Variants in DNAH5 observed in about 807,000 individuals in gnomAD.
The protein encoded by DNAH5 is dynein axonemal heavy chain 5.
Under a neutral mutation model 518.2 loss-of-function variants are expected in DNAH5, and 372 were observed. That is an observed-to-expected ratio of 0.72 (90% CI 0.66 to 0.78). The LOEUF (loss-of-function observed/expected upper bound fraction) is 0.78. Among genes scored for constraint, DNAH5 ranks in the 30% least tolerant of loss-of-function variants. DNAH5 has a pLI of 0.00. For missense variants in DNAH5, 5,523 were observed against 5,687.0 expected (o/e 0.97, Z 0.93); for synonymous variants, 2,039 against 2,025.9 (o/e 1.01, Z -0.17).
intron 1 of DNAH5, among the ~76,000 whole-genome samples, chr5:13,933,049 C>A (rs1778568530): frequency 6.6e-6 from 1 of 152,198 alleles, no homozygotes; most frequent in African/African-American, 2.4e-5. Flanking sequence ...GTCCCAGTAG[C>A]CTCCACCACC....
chr5:13,828,556 G>C (rs898118726), intron 38 of DNAH5, among the ~76,000 whole-genome samples: 1 of 152,190 alleles, frequency 6.6e-6, no homozygotes, highest in African/African-American at 2.4e-5. Context: ...ATGTGATTAT[G>C]TGTGTGTGAT....
chr5:13,918,314 G>A lies in DNAH5; in HGVS notation c.975+862C>T, dbSNP rs188771505. On this transcript the variant is annotated intron_variant, in intron 7 of 78. Coordinates refer to ENST00000265104, the MANE Select transcript of DNAH5 (RefSeq NM_001369.3). ...AAACTGAATCCAGCAACAACCAGAT[G>A]AGTAAACTCAGAAGCAGATCTTCCC... is the stretch of plus-strand genomic sequence containing the variant. Among the ~76,000 whole-genome samples, 159 of 152,250 alleles carry A rather than the reference G, an allele frequency of 1.0e-3. 2 individuals carry two copies. Among genetic ancestry groups the A allele is most frequent in the African/African-American group, 3.6e-3 (151 of 41,556 alleles).
intron 1 of DNAH5, among the ~76,000 whole-genome samples, chr5:13,949,708 A>G (rs886387600): frequency 7.2e-5 from 11 of 152,250 alleles, no homozygotes; most frequent in African/African-American, 2.4e-4. Context: ...TATCTTGCAT[A>G]GTGCCTTTCA....
In DNAH5 at chr5:13,893,368, T is replaced by C. The variant is rs551654094; in HGVS notation, c.2431+1282A>G. On this transcript the variant is annotated intron_variant, in intron 16 of 78. Coordinates refer to ENST00000265104, the MANE Select transcript of DNAH5 (RefSeq NM_001369.3). ...AGGGGTAGGAACAGGGTTACAGTGA[T>C]AAAGAAATGAAGAGAGACTAAGTAT... Among the ~76,000 whole-genome samples the C allele has an allele frequency of 1.1e-4, 17 of 152,134 alleles. No homozygotes were observed. In the East Asian group the frequency reaches 2.9e-3, roughly 26 times the overall value.
At chr5:13,704,280 C>T (rs1172884937) in intron 76 of DNAH5, among the ~76,000 whole-genome samples, 1 of 142,730 alleles carries the variant, frequency 7.0e-6, no homozygotes, top group Non-Finnish European at 1.5e-5. Flanking sequence ...AAAGGGACCA[C>T]ACACTCTCTT....
chr5:13,919,767 G>C (rs1312304262), intron 6 of DNAH5, among the ~76,000 whole-genome samples: 2 of 152,148 alleles, frequency 1.3e-5, no homozygotes, highest in African/African-American at 4.8e-5. Flanking sequence ...ATTTCTACGT[G>C]TGGGTAACAT....
chr5:13,816,583 C>T (rs891442580), intron 42 of DNAH5, among the ~76,000 whole-genome samples: 1 of 149,504 alleles, frequency 6.7e-6, no homozygotes, highest in African/African-American at 2.5e-5. Context: ...CCTCTGCGCT[C>T]TTGTTCTTTT....
rs778518716 is a variant in DNAH5 at position 13,776,596 on chromosome 5, G to T, written c.9216C>A (p.Asp3072Glu). ...RCLPTNENLH[D>E]YFMSRVRQNL... Reference sequence around the variant, plus strand: ...TCTGTCGGACCCGACTCATGAAGTAGTCGTGCAGGTTCTCATTGGTAGGAA... The same window carrying T: ...TCTGTCGGACCCGACTCATGAAGTATTCGTGCAGGTTCTCATTGGTAGGAA... Residue 3072 changes from aspartate to glutamate, a missense_variant, in exon 55 of 79, where the codon GAC becomes GAA. Asp to Glu is a conservative substitution (Grantham distance 45, BLOSUM62 2). Around this residue, in one of 3 missense-constraint regions of DNAH5, gnomAD observed 5,121 missense variants for 5,223.3 expected, o/e 0.98. Coordinates refer to ENST00000265104, the MANE Select transcript of DNAH5 (RefSeq NM_001369.3). 1 of 1,613,960 alleles carries T rather than the reference G, an allele frequency of 6.2e-7. No individual in the cohort carries two copies. The highest frequency in any genetic ancestry group is 8.5e-7 in the Non-Finnish European group (1 of 1,179,868).
At chr5:13,919,474 C>T in intron 6 of DNAH5, 122 bp from the exon 7 acceptor site, 2 of 1,135,892 alleles carry the variant, frequency 1.8e-6, no homozygotes, top group Non-Finnish European at 2.5e-6. Flanking sequence ...TATGCGTATT[C>T]CATGCTTCCA....
chr5:13,839,609 A>C, intron 34 of DNAH5, 81 bp from the exon 35 acceptor site: 1 of 1,234,470 alleles, frequency 8.1e-7, no homozygotes, highest in Non-Finnish European at 1.2e-6. Context: ...CATGTAGATC[A>C]TAAAGTGAAA....
chr5:13,984,018 T>A (rs1178058422), intron 1 of DNAH5, among the ~76,000 whole-genome samples: 1 of 152,074 alleles, frequency 6.6e-6, no homozygotes, highest in Non-Finnish European at 1.5e-5. Flanking sequence ...GATTTACAAA[T>A]GGAGAGATTA....
At chr5:13,750,383 A>T (rs998667039) in intron 65 of DNAH5, among the ~76,000 whole-genome samples, 2 of 152,212 alleles carry the variant, frequency 1.3e-5, no homozygotes, top group Non-Finnish European at 2.9e-5. Context: ...CCCTAAAGAA[A>T]ATGCTCACTC....
chr5:13,902,225 A>C, intron 12 of DNAH5, 87 bp from the exon 13 acceptor site: 1 of 944,812 alleles, frequency 1.1e-6, no homozygotes, highest in Non-Finnish European at 1.7e-6. Context: ...CATTCTGTGC[A>C]AACACATATA....
intron 1 of DNAH5, among the ~76,000 whole-genome samples, chr5:13,978,311 T>C (rs1431943744): frequency 6.6e-6 from 1 of 152,208 alleles, no homozygotes; most frequent in East Asian, 1.9e-4. Context: ...GATTAACATT[T>C]AGATCAGTAG....
rs775306219 is a variant in DNAH5 at position 13,820,338 on chromosome 5, C to T, written c.6841+8G>A. 1.9e-6 allele frequency: 3 copies of T among 1,607,844 alleles called. No homozygotes were observed. The Admixed American group carries it at 5.0e-5, about 27-fold the overall frequency. On this transcript the variant is annotated splice_region_variant and intron_variant, in intron 41 of 78. Coordinates refer to ENST00000265104, the MANE Select transcript of DNAH5 (RefSeq NM_001369.3). ...CCACCCCAGGCATTGACCTTGGCTG[C>T]CCTGTACCTGTCATGGCTCTCATCA...
chr5:13,798,835 T>C (rs1172315796), intron 47 of DNAH5, among the ~76,000 whole-genome samples: 1 of 151,758 alleles, frequency 6.6e-6, no homozygotes, highest in Non-Finnish European at 1.5e-5. Flanking sequence ...AGTGCAATGT[T>C]GGCTAACTGC....
chr5:13,756,099 C>T (rs960402763), intron 61 of DNAH5, among the ~76,000 whole-genome samples: 3 of 152,204 alleles, frequency 2.0e-5, no homozygotes. Context: ...GACTGGCTCT[C>T]CAGCAGGCCT....
At position 13,967,389 on chromosome 5, in the gene DNAH5, A is replaced by G. The variant is rs749687584; in HGVS notation, c.13-36145T>C. Among the ~76,000 whole-genome samples the G allele has an allele frequency of 9.2e-5, 14 of 152,250 alleles. No individual in the cohort carries two copies. In the East Asian group the frequency reaches 2.3e-3, roughly 25 times the overall value. The stretch of plus-strand genomic sequence containing the variant: ...GTTGAGGATCCAGTTTCATTCTTAT[A>G]TATGTGGCTTGCCAATTATCCCAGC... On this transcript the variant is annotated intron_variant, in intron 1 of 78. Transcript: ENST00000681290.
At chr5:13,719,133 T>C (rs763996968) in intron 71 of DNAH5, 32 bp from the exon 72 acceptor site, 2 of 1,548,006 alleles carry the variant, frequency 1.3e-6, no homozygotes, top group Non-Finnish European at 1.8e-6. Context: ...AATTAGGTAG[T>C]TTTGTATTTC....
Sources: gnomAD v4.1 joint callset for allele counts (sites outside exome capture counted in the v4.1 genomes callset) on GRCh38, gnomAD v4.1.1 for gene constraint, gnomAD v4.1.1 regional missense constraint, MANE v1.5 for transcripts, NCBI Gene and HGNC (gene_info 2026-07-23, HGNC 2026-07-21) for gene names.